ARRB1: variants seen among roughly 807,000 people sequenced by gnomAD.
The protein encoded by ARRB1 is beta-arrestin-1.
In ARRB1, 21 loss-of-function variants were observed where a neutral mutation model predicts 56.8. The ratio of observed to expected loss-of-function variants is 0.37; its 90% confidence interval spans 0.26 to 0.53. The LOEUF is 0.53. ARRB1 is among the 20% of genes least tolerant of loss of function. The pLI is 0.88. For missense variants in ARRB1, 424 were observed against 553.7 expected (o/e 0.77, Z 2.35); for synonymous variants, 210 against 218.6 (o/e 0.96, Z 0.35).
At chr11:75,327,594 T>G (rs1009347374) in intron 1 of ARRB1, among the ~76,000 whole-genome samples, 3 of 88,542 alleles carry the variant, frequency 3.4e-5, no homozygotes, top group African/African-American at 1.2e-4. Context: ...TTGTTTTTTG[T>G]TTTTGTTTTT....
intron 1 of ARRB1, among the ~76,000 whole-genome samples, chr11:75,291,870 A>C (rs1471167422): frequency 6.6e-6 from 1 of 152,222 alleles, no homozygotes; most frequent in Non-Finnish European, 1.5e-5. Flanking sequence ...CCCCAGGAGC[A>C]CAGGGTCCAG....
chr11:75,305,233 C>T (rs553775324), intron 1 of ARRB1, among the ~76,000 whole-genome samples: 124 of 149,620 alleles, frequency 8.3e-4, no homozygotes, highest in African/African-American at 2.7e-3. Flanking sequence ...TTGGTAGAGA[C>T]GGAGTTTCAC....
intron 3 of ARRB1, among the ~76,000 whole-genome samples, chr11:75,286,591 G>GCC (rs1946482596): frequency 6.6e-6 from 1 of 152,106 alleles, no homozygotes; most frequent in Non-Finnish European, 1.5e-5. Context: ...TGGCCTAACT[G>GCC]GAGCGTGAGG....
intron 1 of ARRB1, among the ~76,000 whole-genome samples, chr11:75,350,314 T>C (rs1947827199): frequency 6.6e-6 from 1 of 152,004 alleles, no homozygotes; most frequent in South Asian, 2.1e-4. Flanking sequence ...TCCCCCACAC[T>C]ACGCCTAGTA....
rs1946402202 is a variant in ARRB1 at position 75,283,599 on chromosome 11, C to A, written c.158-116G>T. 8.8e-6 allele frequency: 9 copies of A among 1,018,536 alleles called. No individual in the cohort carries two copies. The East Asian group carries it at 2.4e-4, about 27-fold the overall frequency. 63.1% of individuals were successfully genotyped at this position (1,018,536 alleles called of 1,614,324 possible). ...CTGGAGGCCCCAAGCCTGTCCCAAG[C>A]TCTGTGGGGATGGCTGCACTGTCTC... On this transcript the variant is annotated intron_variant, in intron 4 of 15. Transcript: ENST00000420843.
chr11:75,340,385 T>A (rs1270812413), intron 1 of ARRB1, among the ~76,000 whole-genome samples: 1 of 152,170 alleles, frequency 6.6e-6, no homozygotes, highest in Non-Finnish European at 1.5e-5. Context: ...AGGGGGATGC[T>A]CCCCACGACC....
intron 1 of ARRB1, among the ~76,000 whole-genome samples, chr11:75,305,018 C>CTTTTTTTTTTTTTTT (rs35323331): frequency 3.1e-4 from 27 of 86,734 alleles, no homozygotes; most frequent in Non-Finnish European, 4.9e-4. Context: ...TTCTTTCTTT[C>CTTTTTTTTTTTTTTT]TTTTTTTTTT....
Position 75,274,117 on chromosome 11 carries a change from C to T in ARRB1, c.871G>A (p.Gly291Arg). 1.2e-6 allele frequency: 2 copies of T among 1,614,158 alleles called. No homozygotes were observed. The highest frequency in any genetic ancestry group is 1.3e-5 in the African/African-American group (1 of 75,024). Residue 291 changes from glycine to arginine, a missense_variant, in exon 11 of 16, where the codon GGG becomes AGG. By Grantham distance (125) the Gly-to-Arg change is moderately radical. Transcript: ENST00000420843. The part of the protein sequence containing the change: ...NREKRGLALD[G>R]KLKHEDTNLA... ...TTCGTGTCTTCGTGCTTGAGCTTCC[C>T]GTCCAAGGCGAGGCCCCGCTTCTCT...
chr11:75,310,409 AG>A (rs1223521612), intron 1 of ARRB1, among the ~76,000 whole-genome samples: 4 of 152,170 alleles, frequency 2.6e-5, no homozygotes, highest in Non-Finnish European at 4.4e-5. Flanking sequence ...AAAGTCTAGC[AG>A]GGGGGAAAAG....
intron 1 of ARRB1, among the ~76,000 whole-genome samples, chr11:75,293,855 C>T (rs1946664145): frequency 1.3e-5 from 2 of 152,202 alleles, no homozygotes; most frequent in Admixed American, 1.3e-4. Flanking sequence ...ACTCTCTCTG[C>T]ACCTCTCCTC....
At chr11:75,316,343 C>T (rs1947264800) in intron 1 of ARRB1, among the ~76,000 whole-genome samples, 1 of 151,164 alleles carries the variant, frequency 6.6e-6, no homozygotes, top group Non-Finnish European at 1.5e-5. Flanking sequence ...AAAAAAAGTG[C>T]TGGTTATGTC....
Position 75,266,232 on chromosome 11 carries a change from C to T in ARRB1, c.1188G>A (p.Leu396=). ...CCTCCTTGTCATCCTTCATGCCTTTCAGTCTCTGGCGAGCAAAGTCCTCAA... is the reference window on the plus strand; with the variant it reads ...CCTCCTTGTCATCCTTCATGCCTTTTAGTCTCTGGCGAGCAAAGTCCTCAA... The part of the protein sequence containing the change: ...IVFEDFARQR[L]KGMKDDKEEE... Residue 396 remains leucine, a synonymous_variant, in exon 16 of 16, where the codon CTG becomes CTA. Coordinates refer to ENST00000420843, the MANE Select transcript of ARRB1 (RefSeq NM_004041.5). 2.5e-6 allele frequency: 4 copies of T among 1,614,216 alleles called. No homozygotes were observed. Among genetic ancestry groups the T allele is most frequent in the Non-Finnish European group, 3.4e-6 (4 of 1,180,034 alleles).
At chr11:75,311,104 A>C (rs1016538940) in intron 1 of ARRB1, among the ~76,000 whole-genome samples, 1 of 152,190 alleles carries the variant, frequency 6.6e-6, no homozygotes, top group African/African-American at 2.4e-5. Context: ...TGAAAGATCA[A>C]GGCAGGCAGA....
intron 6 of ARRB1, 72 bp from the exon 7 acceptor site, chr11:75,281,214 TC>T (rs1170525023): frequency 7.0e-7 from 1 of 1,424,010 alleles, no homozygotes; most frequent in African/African-American, 1.4e-5. Flanking sequence ...AGCCCACCTC[TC>T]ATTTTACAAA....
intron 1 of ARRB1, among the ~76,000 whole-genome samples, chr11:75,310,654 C>T (rs1042782879): frequency 6.6e-6 from 1 of 152,150 alleles, no homozygotes; most frequent in Non-Finnish European, 1.5e-5. Flanking sequence ...ATTTCACCCT[C>T]ATGAGGAAAC....
chr11:75,332,456 C>T (rs929912325), intron 1 of ARRB1, among the ~76,000 whole-genome samples: 2 of 152,132 alleles, frequency 1.3e-5, no homozygotes, highest in Non-Finnish European at 2.9e-5. Context: ...AAACATTTGT[C>T]ATCTATTTTC....
intron 1 of ARRB1, among the ~76,000 whole-genome samples, chr11:75,335,844 G>A (rs546375182): frequency 2.6e-5 from 4 of 152,112 alleles, no homozygotes; most frequent in African/African-American, 7.2e-5. Context: ...TCCACATCCC[G>A]TTTGGCCCAC....
chr11:75,328,652 T>A (rs1947475858), intron 1 of ARRB1, among the ~76,000 whole-genome samples: 1 of 152,216 alleles, frequency 6.6e-6, no homozygotes, highest in African/African-American at 2.4e-5. Flanking sequence ...CCACCTGGTG[T>A]GGACAGCTCA....
intron 1 of ARRB1, among the ~76,000 whole-genome samples, chr11:75,323,661 C>A (rs1352846151): frequency 6.6e-6 from 1 of 152,060 alleles, no homozygotes; most frequent in African/African-American, 2.4e-5. Flanking sequence ...GGAGAGGAAA[C>A]CTTCTCTCCC....
Sources: gnomAD v4.1 joint callset for allele counts (sites outside exome capture counted in the v4.1 genomes callset) on GRCh38, gnomAD v4.1.1 for gene constraint, MANE v1.5 for transcripts, NCBI Gene and HGNC (gene_info 2026-07-23, HGNC 2026-07-21) for gene names.